NOTCH1: variants seen among roughly 807,000 people sequenced by gnomAD.
NOTCH1 encodes neurogenic locus notch homolog protein 1.
In NOTCH1, 37 loss-of-function variants were observed where a neutral mutation model predicts 254.8. That is an observed-to-expected ratio of 0.15 (90% CI 0.11 to 0.19). The LOEUF (loss-of-function observed/expected upper bound fraction) is 0.19, where lower values mean the gene tolerates loss of function less well. Among genes scored for constraint, NOTCH1 ranks in the 10% least tolerant of loss-of-function variants. The probability of loss-of-function intolerance (pLI) is 1.00; values close to 1 mark genes in which losing one functional copy is unlikely to be tolerated. For missense variants in NOTCH1, 2,972 were observed against 3,708.6 expected, an observed-to-expected ratio of 0.80 and a Z score of 5.16; for synonymous variants, 1,731 against 1,618.1, an observed-to-expected ratio of 1.07 and a Z score of -1.68.
rs750859847 is a variant in NOTCH1 at position 136,513,406 on chromosome 9, C to A, written c.2339G>T (p.Arg780Leu). 1 of 1,612,868 alleles carries A rather than the reference C, an allele frequency of 6.2e-7. No homozygotes were observed. Among genetic ancestry groups the A allele is most frequent in the South Asian group, 1.1e-5 (1 of 91,086 alleles). ...DMTSGYVCTC[R>L]EGFSGPNCQT... ...AGCCCACTCACCGCTGAAGCCCTCC[C>A]GGCAGGTGCACACGTAGCCACTGGT... The change falls in exon 14 of 34, where the codon CGG becomes CTG. Residue 780 changes from arginine (R) to leucine (L), a missense_variant. Arg to Leu is a moderately radical substitution (Grantham distance 102). Transcript: ENST00000651671. The surrounding 1 kb of genome is among the most constrained non-coding windows in gnomAD (Gnocchi z 4.7).
chr9:136,496,660 G>A lies in NOTCH1; in HGVS notation c.7079C>T (p.Ser2360Phe). 6.2e-7 allele frequency: 1 copy of A among 1,613,066 alleles called. No individual in the cohort carries two copies. Among genetic ancestry groups the A allele is most frequent in the Non-Finnish European group, 8.5e-7 (1 of 1,179,954 alleles). ...CAGGCCCTGGTAGCTCATCATCTGGGACAGGGCGCTGGCAGCAAGGCTACT... is the reference window on the plus strand; with the variant it reads ...CAGGCCCTGGTAGCTCATCATCTGGAACAGGGCGCTGGCAGCAAGGCTACT... ...LHSSLAASAL[S>F]QMMSYQGLPS... The change falls in exon 34 of 34, where the codon TCC becomes TTC. Residue 2360 changes from serine to phenylalanine, a missense_variant. Around this residue, in one of 8 missense-constraint regions of NOTCH1, gnomAD observed 529 missense variants for 529.2 expected, o/e 1.00. Transcript: ENST00000651671.
At chr9:136,544,787 C>A (rs1432612930) in intron 1 of NOTCH1, among the ~76,000 whole-genome samples, 1 of 152,096 alleles carries the variant, frequency 6.6e-6, no homozygotes, top group Non-Finnish European at 1.5e-5. Flanking sequence ...TCCAGGGCAG[C>A]CCCCATACAC....
At position 136,519,533 on chromosome 9, in the gene NOTCH1, C is replaced by T. The variant is rs763187824; in HGVS notation, c.775G>A (p.Asp259Asn). Reference sequence around the variant, plus strand: ...TTGCAGTTGTTTCCTGGACAATCGTCGATATTTTCCTCACAGTTCTGGCCG... The same window carrying T: ...TTGCAGTTGTTTCCTGGACAATCGTTGATATTTTCCTCACAGTTCTGGCCG... ...FTGQNCEENI[D>N]DCPGNNCKNG... The change falls in exon 5 of 34, where the codon GAC becomes AAC. Residue 259 changes from aspartate to asparagine, a missense_variant. Physicochemically the swap from Asp to Asn is conservative, Grantham distance 23 (BLOSUM62 1). Coordinates refer to ENST00000651671, the MANE Select transcript of NOTCH1 (RefSeq NM_017617.5). 2.3e-5 allele frequency: 37 copies of T among 1,612,982 alleles called. No individual in the cohort carries two copies. The highest frequency in any genetic ancestry group is 2.7e-5 in the Non-Finnish European group (32 of 1,179,956).
At chr9:136,536,612 G>A (rs897447879) in intron 2 of NOTCH1, among the ~76,000 whole-genome samples, 7 of 152,214 alleles carry the variant, frequency 4.6e-5, no homozygotes, top group East Asian at 1.9e-4. Context: ...GCTCCCTGCC[G>A]CTGACCCTGT....
intron 2 of NOTCH1, among the ~76,000 whole-genome samples, chr9:136,541,807 C>G (rs771474412): frequency 1.3e-5 from 2 of 152,244 alleles, no homozygotes; most frequent in Non-Finnish European, 2.9e-5. Context: ...TCCAACTCTG[C>G]GGCCCAGAAG....
chr9:136,517,167 G>A lies in NOTCH1; in HGVS notation c.1555+105C>T, dbSNP rs11574887. 50,635 of 719,740 alleles carry A rather than the reference G, an allele frequency of 0.07. 2,385 individuals are homozygous for A. Among genetic ancestry groups the A allele is most frequent in the Non-Finnish European group, 0.08 (34,319 of 426,986 alleles). The allele number at this position is 719,740 out of a possible 1,614,324, so 44.6% of individuals were successfully genotyped here. A position where few individuals can be genotyped will look rare whatever the true frequency, so the allele number is the denominator to read the frequency against. On this transcript the variant is annotated intron_variant, in intron 9 of 33. Coordinates refer to ENST00000651671, the MANE Select transcript of NOTCH1 (RefSeq NM_017617.5). ...GGCGGCCCTCACCCCTCAGGAGGCC[G>A]GGGTGCAGATGGCCCGGGGGCAGGG...
chr9:136,530,774 C>T (rs751952979), intron 2 of NOTCH1, among the ~76,000 whole-genome samples: 6 of 152,350 alleles, frequency 3.9e-5, no homozygotes, highest in Admixed American at 1.3e-4. Context: ...GGTCATGACA[C>T]GCCGGGGCTC....
At chr9:136,525,869 G>A (rs1843451690) in intron 2 of NOTCH1, among the ~76,000 whole-genome samples, 1 of 152,250 alleles carries the variant, frequency 6.6e-6, no homozygotes, top group African/African-American at 2.4e-5. Flanking sequence ...GCTTTTACCC[G>A]TGACCACGGC....
chr9:136,494,671 AG>A lies in NOTCH1; in HGVS notation c.*1399del. 2.5e-6 allele frequency: 1 copy of A among 398,782 alleles called. No individual in the cohort carries two copies. Among genetic ancestry groups the A allele is most frequent in the South Asian group, 1.3e-4 (1 of 7,858 alleles). 24.7% of individuals were successfully genotyped at this position (398,782 alleles called of 1,614,324 possible). A position where few individuals can be genotyped will look rare whatever the true frequency, so the allele number is the denominator to read the frequency against. Reference sequence around the variant, plus strand: ...CGGGGGAGGCTGCCCTGAGGAGTGCAGGCGGCACGGCAGCGGAGCGTCCCCA... The same window carrying A: ...CGGGGGAGGCTGCCCTGAGGAGTGCAGCGGCACGGCAGCGGAGCGTCCCCA... On this transcript the variant is annotated 3_prime_UTR_variant, in exon 34 of 34. Transcript: ENST00000651671.
Position 136,519,719 on chromosome 9 carries a change from T to C in NOTCH1, c.743-154A>G, listed in dbSNP as rs1843337007. On this transcript the variant is annotated intron_variant, in intron 4 of 33. Transcript: ENST00000651671. ...GTGCCCGTCCCCTGCCTCACTCCAG[T>C]GCCCAGAGGGACACGCCCTGCTTGA... 22 of 1,018,744 alleles carry C rather than the reference T, an allele frequency of 2.2e-5. No individual in the cohort carries two copies. The South Asian group carries it at 2.7e-4, about 12-fold the overall frequency. The allele number at this position is 1,018,744 out of a possible 1,614,324, so 63.1% of individuals were successfully genotyped here.
intron 2 of NOTCH1, among the ~76,000 whole-genome samples, chr9:136,541,374 C>T (rs1055957546): frequency 6.6e-6 from 1 of 152,194 alleles, no homozygotes; most frequent in African/African-American, 2.4e-5. Context: ...GTGAGCCAGG[C>T]ACTGTGACGC....
rs2133352843 is a variant in NOTCH1 at position 136,510,650 on chromosome 9, C to A, written c.2740+3G>T. ...AGGAGGCCAGAGCCGCGGGGCTACT[C>A]ACTGGGCCGGCAGTCGTCGATGTCG... On this transcript the variant is annotated splice_donor_region_variant and intron_variant, in intron 17 of 33. Coordinates refer to ENST00000651671, the MANE Select transcript of NOTCH1 (RefSeq NM_017617.5). 1.2e-6 allele frequency: 2 copies of A among 1,604,706 alleles called. No individual in the cohort carries two copies. Among genetic ancestry groups the A allele is most frequent in the Non-Finnish European group, 1.7e-6 (2 of 1,178,656 alleles).
rs2133362753 is a variant in NOTCH1 at position 136,515,374 on chromosome 9, C to A, written c.1930G>T (p.Asp644Tyr). ...TGPNCEINLD[D>Y]CASSPCDSGT... ...GAGTCGCAGGGGCTGCTGGCACAGT[C>A]ATCCAGGTTGATCTCGCAGTTGGGT... The change falls in exon 12 of 34, where the codon GAC (aspartate) becomes TAC (tyrosine). Residue 644 changes from aspartate to tyrosine, a missense_variant. This residue lies in a region of NOTCH1 where 1,343 missense variants were observed against 1,557.0 expected (regional missense o/e 0.86). Transcript: ENST00000651671. 1 of 1,613,022 alleles carries A rather than the reference C, an allele frequency of 6.2e-7. No individual in the cohort carries two copies. The highest frequency in any genetic ancestry group is 1.1e-5 in the South Asian group (1 of 91,070).
At position 136,518,726 on chromosome 9, in the gene NOTCH1, C is replaced by A. The variant is rs1317299348; in HGVS notation, c.964G>T (p.Val322Leu). The change falls in exon 6 of 34, where the codon GTG becomes TTG. Residue 322 changes from valine (V) to leucine (L), a missense_variant. Transcript: ENST00000651671. ...TCACCAGTCCAGCCGTTGACACACA[C>A]GCAGTTGTAGCCACCGTGGGTGTTG... ...CHNTHGGYNC[V>L]CVNGWTGEDC... The A allele has an allele frequency of 6.2e-7, 1 of 1,612,818 alleles. No individual in the cohort carries two copies. Among genetic ancestry groups the A allele is most frequent in the Admixed American group, 1.7e-5 (1 of 60,008 alleles).
rs756916163 is a variant in NOTCH1, at chr9:136,518,622, G to A, written c.1068C>T (p.Ser356=). 10 of 1,612,700 alleles carry A rather than the reference G, an allele frequency of 6.2e-6. No homozygotes were observed. The East Asian group carries it at 2.0e-4, about 32-fold the overall frequency. ...GGCCATGGGGACACTCGCAGTAGAA[G>A]GAGGCCACACGGTCATGGCAGGTGG... ...HGATCHDRVA[S]FYCECPHGRT... is the part of the protein sequence containing the mutation. The change falls in exon 6 of 34, where the codon TCC becomes TCT. Residue 356 remains serine (S), a synonymous_variant. Transcript: ENST00000651671.
intron 4 of NOTCH1, 159 bp downstream of exon 4, chr9:136,522,691 C>G: frequency 1.4e-6 from 1 of 706,742 alleles, no homozygotes; most frequent in Admixed American, 3.0e-5. Context: ...ACGCGTCCCC[C>G]CGACACCACA....
rs2133329407 is a variant in NOTCH1 at position 136,501,927 on chromosome 9, G to A, written c.5473-14C>T. On this transcript the variant is annotated splice_polypyrimidine_tract_variant and intron_variant, in intron 29 of 33. Coordinates refer to ENST00000651671, the MANE Select transcript of NOTCH1 (RefSeq NM_017617.5). ...GGGCTCCTCGAACTACATAGAGGGA[G>A]TGAGCAGAGCCTGTCAGGGCAGCCC... The A allele has an allele frequency of 6.2e-6, 10 of 1,611,498 alleles. No individual in the cohort carries two copies. Among genetic ancestry groups the A allele is most frequent in the Non-Finnish European group, 8.5e-6 (10 of 1,179,954 alleles).
Position 136,523,018 on chromosome 9 carries a change from C to T in NOTCH1, c.574G>A (p.Gly192Arg), listed in dbSNP as rs1008581577. The T allele has an allele frequency of 4.5e-6, 7 of 1,551,086 alleles. No individual in the cohort carries two copies. Among genetic ancestry groups the T allele is most frequent in the Non-Finnish European group, 6.1e-6 (7 of 1,147,986 alleles). ...CCGACCTCGTTGTGGCAGGTGCCTC[C>T]GTGGCGGCAAAGCCCGGGCTTCTGG... The part of the protein sequence containing the change: ...CGQKPGLCRH[G>R]GTCHNEVGSY... The change falls in exon 4 of 34, where the codon GGA (glycine) becomes AGA (arginine). Residue 192 changes from glycine (G) to arginine (R), a missense_variant. Around this residue, in one of 8 missense-constraint regions of NOTCH1, gnomAD observed 374 missense variants for 496.3 expected, o/e 0.75. Transcript: ENST00000651671.
intron 22 of NOTCH1, 78 bp from the exon 23 acceptor site, chr9:136,507,051 C>T (rs899618053): frequency 5.8e-6 from 9 of 1,559,758 alleles, no homozygotes; most frequent in African/African-American, 5.5e-5. Flanking sequence ...TCCCGGAAGA[C>T]GAGCGCTCAG....
Sources: allele counts gnomAD v4.1 joint callset (sites outside exome capture counted in the v4.1 genomes callset), GRCh38; gene constraint gnomAD v4.1.1; regional missense constraint gnomAD v4.1.1; non-coding constraint Gnocchi (gnomAD v3.1); transcripts MANE v1.5; gene names NCBI Gene and HGNC (gene_info 2026-07-23, HGNC 2026-07-21).